BCL2: variants seen among roughly 807,000 people sequenced by gnomAD.
The protein encoded by BCL2 is apoptosis regulator Bcl-2.
A neutral mutation model predicts 14.2 loss-of-function variants in BCL2; 1 was observed. That is an observed-to-expected ratio of 0.07 (90% CI 0.02 to 0.33). The LOEUF (loss-of-function observed/expected upper bound fraction) is 0.33. BCL2 is among the 10% of genes least tolerant of loss of function. BCL2 has a pLI of 0.99. For missense variants in BCL2, 247 were observed against 305.9 expected (o/e 0.81, Z 1.44); for synonymous variants, 151 against 137.2 (o/e 1.10, Z -0.70).
In BCL2 at chr18:63,257,582, G is replaced by A. The variant is rs17758816; in HGVS notation, c.585+60500C>T. Among the ~76,000 whole-genome samples the A allele has an allele frequency of 9.7e-3, 1,482 of 152,304 alleles. 10 individuals carry two copies. The highest frequency in any genetic ancestry group is 0.02 in the Middle Eastern group (6 of 294). On this transcript the variant is annotated intron_variant, in intron 2 of 2. Coordinates refer to ENST00000333681, the MANE Select transcript of BCL2 (RefSeq NM_000633.3). ...AGCTGTAGACAAATATCCATTCTTC[G>A]TCTGAGGACAAATGACAGAGGATTT...
intron 2 of BCL2, among the ~76,000 whole-genome samples, chr18:63,156,943 C>A (rs1914798793): frequency 6.6e-6 from 1 of 152,278 alleles, no homozygotes; most frequent in South Asian, 2.1e-4. Context: ...ATTTTCTCTC[C>A]CAGGAGCTAG....
chr18:63,253,481 G>A (rs377693790), intron 2 of BCL2, among the ~76,000 whole-genome samples: 1 of 152,134 alleles, frequency 6.6e-6, no homozygotes, highest in East Asian at 1.9e-4. Flanking sequence ...TCACATTGCT[G>A]GGGTAGCCCA....
chr18:63,305,517 TAGG>T (rs909002474), intron 2 of BCL2, among the ~76,000 whole-genome samples: 13 of 152,172 alleles, frequency 8.5e-5, no homozygotes, highest in African/African-American at 2.4e-4. Flanking sequence ...CTGCCTTGCT[TAGG>T]GTTGTTGTGA....
chr18:63,181,002 T>C (rs1915469651), intron 2 of BCL2, among the ~76,000 whole-genome samples: 1 of 152,164 alleles, frequency 6.6e-6, no homozygotes, highest in African/African-American at 2.4e-5. Flanking sequence ...AAAACAAATA[T>C]TAATGTGGAG....
At chr18:63,168,898 C>T (rs973371973) in intron 2 of BCL2, among the ~76,000 whole-genome samples, 4 of 152,240 alleles carry the variant, frequency 2.6e-5, no homozygotes, top group African/African-American at 7.2e-5. Context: ...CCATTCTCAA[C>T]AACTAACTAG....
chr18:63,161,231 T>C (rs1253007878), intron 2 of BCL2, among the ~76,000 whole-genome samples: 1 of 152,194 alleles, frequency 6.6e-6, no homozygotes, highest in Non-Finnish European at 1.5e-5. Context: ...TCTTTGTTCA[T>C]TTGCATTTGG....
chr18:63,178,033 G>A (rs1915391067), intron 2 of BCL2, among the ~76,000 whole-genome samples: 1 of 152,140 alleles, frequency 6.6e-6, no homozygotes, highest in African/African-American at 2.4e-5. Context: ...TGAGCTCAGG[G>A]CCCAGACTCG....
intron 2 of BCL2, among the ~76,000 whole-genome samples, chr18:63,198,736 C>T (rs1446412604): frequency 3.6e-5 from 5 of 140,176 alleles, no homozygotes; most frequent in East Asian, 2.2e-4. Flanking sequence ...CACACACAGA[C>T]ACAGGGACAC....
At chr18:63,295,831 T>C (rs187229164) in intron 2 of BCL2, among the ~76,000 whole-genome samples, 116 of 152,308 alleles carry the variant, frequency 7.6e-4, no homozygotes, top group Middle Eastern at 6.8e-3. Context: ...TGCCTTGTCC[T>C]TCCATCCCTC....
chr18:63,274,240 C>T (rs1912084255), intron 2 of BCL2, among the ~76,000 whole-genome samples: 1 of 150,998 alleles, frequency 6.6e-6, no homozygotes, highest in African/African-American at 2.4e-5. Flanking sequence ...TTAATTAGGT[C>T]CATCTACCAT....
intron 2 of BCL2, chr18:63,317,471 T>C: frequency 1.1e-6 from 1 of 896,156 alleles, no homozygotes; most frequent in Non-Finnish European, 1.3e-6. Flanking sequence ...CCAAGGACTT[T>C]GGAATGTCAA....
chr18:63,145,558 C>T (rs1331570826), intron 2 of BCL2, among the ~76,000 whole-genome samples: 3 of 152,238 alleles, frequency 2.0e-5, no homozygotes, highest in African/African-American at 7.2e-5. Flanking sequence ...AGGCAGATAC[C>T]TTTAAATTCC....
chr18:63,177,784 A>T (rs761948174), intron 2 of BCL2, among the ~76,000 whole-genome samples: 2 of 152,198 alleles, frequency 1.3e-5, no homozygotes, highest in Non-Finnish European at 2.9e-5. Context: ...GATAGGGGGT[A>T]GGACCCTGCC....
chr18:63,268,095 G>A (rs1481719722), intron 2 of BCL2, among the ~76,000 whole-genome samples: 1 of 152,206 alleles, frequency 6.6e-6, no homozygotes, highest in Non-Finnish European at 1.5e-5. Context: ...AGCTGTCACT[G>A]TTGTGTATGT....
At chr18:63,145,555 T>C (rs1378694489) in intron 2 of BCL2, among the ~76,000 whole-genome samples, 3 of 152,372 alleles carry the variant, frequency 2.0e-5, no homozygotes, top group South Asian at 2.1e-4. Context: ...CAAAGGCAGA[T>C]ACCTTTAAAT....
intron 2 of BCL2, among the ~76,000 whole-genome samples, chr18:63,237,913 G>A (rs1910886252): frequency 6.6e-6 from 1 of 151,152 alleles, no homozygotes; most frequent in African/African-American, 2.4e-5. Flanking sequence ...CAAGAATACA[G>A]AGTTTCAAAA....
intron 2 of BCL2, among the ~76,000 whole-genome samples, chr18:63,211,020 C>G (rs1431028102): frequency 6.6e-6 from 1 of 150,538 alleles, no homozygotes; most frequent in African/African-American, 2.4e-5. Flanking sequence ...GTCCATTTGT[C>G]CTTTTGCAGC....
At chr18:63,233,158 G>T (rs1910732651) in intron 2 of BCL2, among the ~76,000 whole-genome samples, 1 of 152,148 alleles carries the variant, frequency 6.6e-6, no homozygotes, top group Non-Finnish European at 1.5e-5. Context: ...CTCTACCCTT[G>T]TGACCTAATC....
At chr18:63,208,416 C>A (rs944107547) in intron 2 of BCL2, among the ~76,000 whole-genome samples, 2 of 146,288 alleles carry the variant, frequency 1.4e-5, no homozygotes, top group Non-Finnish European at 3.0e-5. Flanking sequence ...CTGGCTGTTA[C>A]CAGCTGAAGT....
Sources: allele counts gnomAD v4.1 joint callset (sites outside exome capture counted in the v4.1 genomes callset), GRCh38; gene constraint gnomAD v4.1.1; transcripts MANE v1.5; gene names NCBI Gene and HGNC (gene_info 2026-07-23, HGNC 2026-07-21).